ASAP2: variants seen among roughly 807,000 people sequenced by gnomAD.
ASAP2 encodes the protein ArfGAP with SH3 domain, ankyrin repeat and PH domain 2, also known as arf-GAP with SH3 domain, ANK repeat and PH domain-containing protein 2.
ASAP2 carries 45 observed loss-of-function variants against 131.4 expected under a neutral mutation model. The observed-to-expected ratio is 0.34, with a 90% confidence interval of 0.27 to 0.44. ASAP2 has a LOEUF of 0.44. ASAP2 is among the 20% of genes least tolerant of loss of function. The pLI, the probability that ASAP2 is intolerant of heterozygous loss-of-function variation, is 1.00. For missense variants in ASAP2, 1,011 were observed against 1,297.0 expected (o/e 0.78, Z 3.39); for synonymous variants, 510 against 503.0 (o/e 1.01, Z -0.19).
At chr2:9,261,246 G>A (rs1487030453) in intron 1 of ASAP2, among the ~76,000 whole-genome samples, 1 of 152,218 alleles carries the variant, frequency 6.6e-6, no homozygotes, top group African/African-American at 2.4e-5. Flanking sequence ...TTCTGGCTCT[G>A]GAAGTGAGGC....
intron 21 of ASAP2, among the ~76,000 whole-genome samples, chr2:9,386,737 G>T (rs1370730726): frequency 6.6e-6 from 1 of 152,230 alleles, no homozygotes; most frequent in Non-Finnish European, 1.5e-5. Flanking sequence ...CACCTGCTAA[G>T]CACCTGGCAT....
At chr2:9,325,339 AT>A (rs906476181) in intron 6 of ASAP2, among the ~76,000 whole-genome samples, 4 of 152,176 alleles carry the variant, frequency 2.6e-5, no homozygotes, top group African/African-American at 9.7e-5. Context: ...AGCACAAAGT[AT>A]TGGTTTTTGT....
chr2:9,397,750 ATTTTTTTTT>A (rs1172660637), intron 24 of ASAP2, among the ~76,000 whole-genome samples: 14 of 44,806 alleles, frequency 3.1e-4, no homozygotes, highest in African/African-American at 1.7e-3. Flanking sequence ...ATATATATAT[ATTTTTTTTT>A]TTTTTTTTTT....
Position 9,389,873 on chromosome 2 carries a change from G to C in ASAP2, c.2384-1189G>C, listed in dbSNP as rs1675583098. ...GCATCTCCTCCCTGTCAAACCCCCA[G>C]GCTGGCTGGTCGGGGCCCAGGGTGG... On this transcript the variant is annotated intron_variant, in intron 22 of 27. Transcript: ENST00000281419. The surrounding 1 kb of genome is among the most constrained non-coding windows in gnomAD (Gnocchi z 4.7). 6.6e-6 allele frequency among the ~76,000 whole-genome samples: 1 copy of C among 152,176 alleles called. No homozygotes were observed. The highest frequency in any genetic ancestry group is 2.4e-5 in the African/African-American group (1 of 41,450).
At chr2:9,370,076 G>C (rs1414741177) in intron 16 of ASAP2, among the ~76,000 whole-genome samples, 1 of 152,150 alleles carries the variant, frequency 6.6e-6, no homozygotes, top group Non-Finnish European at 1.5e-5. Context: ...CTGACCTCGT[G>C]ATCTGCCCAC....
chr2:9,300,921 T>C (rs1294846066), intron 3 of ASAP2, among the ~76,000 whole-genome samples: 1 of 152,220 alleles, frequency 6.6e-6, no homozygotes, highest in African/African-American at 2.4e-5. Context: ...GAAAATTTCT[T>C]ACATGAGCCA....
chr2:9,272,860 T>C (rs1666495436), intron 1 of ASAP2, among the ~76,000 whole-genome samples: 1 of 152,202 alleles, frequency 6.6e-6, no homozygotes, highest in Admixed American at 6.6e-5. Context: ...ATGAGTTCAC[T>C]GTAAATGTAT....
At chr2:9,287,269 A>T (rs1158966939) in intron 2 of ASAP2, among the ~76,000 whole-genome samples, 1 of 152,244 alleles carries the variant, frequency 6.6e-6, no homozygotes, top group Non-Finnish European at 1.5e-5. Flanking sequence ...GAAAAATTCC[A>T]GGTGGTTTTG....
rs939224979 is a variant in ASAP2, at chr2:9,217,721, T to C, written c.126+10491T>C. Among the ~76,000 whole-genome samples the C allele has an allele frequency of 6.6e-6, 1 of 151,934 alleles. No homozygotes were observed. Among genetic ancestry groups the C allele is most frequent in the Non-Finnish European group, 1.5e-5 (1 of 67,988 alleles). On this transcript the variant is annotated intron_variant, in intron 1 of 27. Transcript: ENST00000281419. The surrounding 1 kb of genome is among the most constrained non-coding windows in gnomAD (Gnocchi z 4.0). Reference sequence around the variant, plus strand: ...GCTCCGCCTCCTGGGTTCACGCCATTCTTCTGTCTCCGCCTCCCGAGTAGC... The same window carrying C: ...GCTCCGCCTCCTGGGTTCACGCCATCCTTCTGTCTCCGCCTCCCGAGTAGC...
chr2:9,321,996 CAT>C (rs1670176837), intron 5 of ASAP2, among the ~76,000 whole-genome samples: 1 of 152,160 alleles, frequency 6.6e-6, no homozygotes, highest in Non-Finnish European at 1.5e-5. Flanking sequence ...GCAGTAGTCC[CAT>C]ACCTGATTAT....
chr2:9,317,594 A>C (rs1669847817), intron 3 of ASAP2, among the ~76,000 whole-genome samples: 1 of 150,396 alleles, frequency 6.6e-6, no homozygotes, highest in African/African-American at 2.5e-5. Context: ...GTACACAATC[A>C]CATTCACGCA....
At chr2:9,334,021 T>C (rs1474743141) in intron 7 of ASAP2, among the ~76,000 whole-genome samples, 1 of 146,344 alleles carries the variant, frequency 6.8e-6, no homozygotes, top group Admixed American at 6.8e-5. Flanking sequence ...TCTCTCTCTC[T>C]CTGTCTCTGT....
intron 1 of ASAP2, among the ~76,000 whole-genome samples, chr2:9,254,236 A>AATATATATATATATATATATATAT (rs34570938): frequency 8.5e-5 from 4 of 47,102 alleles, no homozygotes; most frequent in Admixed American, 6.7e-4. Context: ...AAAAAAAAAA[A>AATATATATATATATATATATATAT]ATATATATAT....
At chr2:9,254,208 C>CAAAAAAAAAAAAAAAAAAA in intron 1 of ASAP2, among the ~76,000 whole-genome samples, 1 of 15,640 alleles carries the variant, frequency 6.4e-5, no homozygotes, top group Non-Finnish European at 1.1e-4. Flanking sequence ...GAGACTGTCT[C>CAAAAAAAAAAAAAAAAAAA]AAAAAAAAAA....
chr2:9,306,860 T>C (rs1047001403), intron 3 of ASAP2, among the ~76,000 whole-genome samples: 5 of 152,040 alleles, frequency 3.3e-5, no homozygotes, highest in Non-Finnish European at 7.4e-5. Flanking sequence ...GGGCAGGGTT[T>C]GTACCATTGG....
At chr2:9,274,427 A>T (rs1666617635) in intron 1 of ASAP2, among the ~76,000 whole-genome samples, 1 of 148,638 alleles carries the variant, frequency 6.7e-6, no homozygotes, top group South Asian at 2.1e-4. Context: ...GGTTCAAGCG[A>T]TTCTCCTGCC....
chr2:9,364,189 A>G (rs910494041), intron 15 of ASAP2, among the ~76,000 whole-genome samples: 1 of 152,178 alleles, frequency 6.6e-6, no homozygotes, highest in Admixed American at 6.5e-5. Flanking sequence ...TGATATTCTG[A>G]AATTGAATTT....
rs553894281 is a variant in ASAP2, at chr2:9,280,460, A to G, written c.199+1071A>G. Among the ~76,000 whole-genome samples, 4 of 152,268 alleles carry G rather than the reference A, an allele frequency of 2.6e-5. No homozygotes were observed. In the East Asian group the frequency reaches 7.7e-4, roughly 29 times the overall value. ...AAGCCACAATCGGGAAGAATCTAGCAGGAAATCCCAGGTGCAGGATAATGT... is the reference window on the plus strand; with the variant it reads ...AAGCCACAATCGGGAAGAATCTAGCGGGAAATCCCAGGTGCAGGATAATGT... On this transcript the variant is annotated intron_variant, in intron 2 of 27. Coordinates refer to ENST00000281419, the MANE Select transcript of ASAP2 (RefSeq NM_003887.3).
Position 9,388,404 on chromosome 2 carries a change from G to T in ASAP2, c.2241G>T (p.Lys747Asn). 6.2e-7 allele frequency: 1 copy of T among 1,614,124 alleles called. No individual in the cohort carries two copies. Among genetic ancestry groups the T allele is most frequent in the Non-Finnish European group, 8.5e-7 (1 of 1,180,014 alleles). The change falls in exon 22 of 28, where the codon AAG (lysine) becomes AAT (asparagine). Residue 747 changes from lysine to asparagine, a missense_variant. Physicochemically the swap from Lys to Asn is moderately conservative, Grantham distance 94. Transcript: ENST00000281419. ...SLARDAANLA[K>N]EKQRAFMPSI... ...CCAGAGATGCTGCAAACCTTGCCAA[G>T]GAGAAGCAGAGGGCTTTCATGCCCA... is the stretch of plus-strand genomic sequence containing the variant.
Sources: gnomAD v4.1 joint callset for allele counts (sites outside exome capture counted in the v4.1 genomes callset) on GRCh38, gnomAD v4.1.1 for gene constraint, Gnocchi (gnomAD v3.1) non-coding constraint, MANE v1.5 for transcripts, NCBI Gene and HGNC (gene_info 2026-07-23, HGNC 2026-07-21) for gene names.